GFRA2: variants seen among roughly 807,000 people sequenced by gnomAD.
The protein encoded by GFRA2 is GDNF family receptor alpha 2.
Under a neutral mutation model 48.3 loss-of-function variants are expected in GFRA2, and 17 were observed. That is an observed-to-expected ratio of 0.35 (90% CI 0.24 to 0.53). The LOEUF is 0.53. Ranked by LOEUF, GFRA2 falls within the 20% of genes least tolerant of loss-of-function variation. The pLI is 0.93. For synonymous variants in GFRA2, 305 were observed against 257.2 expected (o/e 1.19, Z -1.78); for missense variants, 660 against 637.3 (o/e 1.04, Z -0.38).
rs979658953 is a variant in GFRA2 at position 21,804,076 on chromosome 8, A to G, written c.-36+941T>C. 1.2e-4 allele frequency among the ~76,000 whole-genome samples: 18 copies of G among 152,218 alleles called. 1 individual carries two copies. The highest frequency in any genetic ancestry group is 1.0e-4 in the Non-Finnish European group (7 of 68,042). ...AGGTTCTTCATATTCTTCAACTCAT[A>G]ACATATCAGAGCAGGAAATTGAATG... On this transcript the variant is annotated intron_variant, in intron 2 of 10. Coordinates refer to the GFRA2 transcript ENST00000517328.
chr8:21,788,137 C>T lies in GFRA2; in HGVS notation c.23G>A (p.Cys8Tyr). The part of the protein sequence containing the change: MILANVF[C>Y]LFFFLDETLR... ...GTACTCACCTAGAAAGAAGAAGAGGCAGAAGACGTTTGCCAAGATCATGTT... is the reference window on the plus strand; with the variant it reads ...GTACTCACCTAGAAAGAAGAAGAGGTAGAAGACGTTTGCCAAGATCATGTT... The change falls in exon 1 of 9, where the codon TGC (cysteine) becomes TAC (tyrosine). Residue 8 changes from cysteine (C) to tyrosine (Y), a missense_variant. Cys to Tyr is a radical substitution (Grantham distance 194, BLOSUM62 -2). Transcript: ENST00000524240. 1 of 1,586,554 alleles carries T rather than the reference C, an allele frequency of 6.3e-7. No homozygotes were observed. The highest frequency in any genetic ancestry group is 2.4e-5 in the East Asian group (1 of 41,930).
Position 21,750,983 on chromosome 8 carries a change from C to T in GFRA2, c.440-41G>A, listed in dbSNP as rs1805265471. The T allele has an allele frequency of 2.2e-6, 3 of 1,361,370 alleles. No homozygotes were observed. The East Asian group carries it at 7.1e-5, about 32-fold the overall frequency. The allele number at this position is 1,361,370 out of a possible 1,614,324, so 84.3% of individuals were successfully genotyped here. ...GAGAGCAGGTCAGAGGCCACACAAG[C>T]ATGAGGAGGACACAGCTGCCCCCTC... On this transcript the variant is annotated intron_variant, in intron 3 of 8. Transcript: ENST00000524240. The surrounding 1 kb of genome is among the most constrained non-coding windows in gnomAD (Gnocchi z 5.7).
chr8:21,787,270 GGC>G (rs1487589128), intron 1 of GFRA2, among the ~76,000 whole-genome samples: 8,895 of 146,438 alleles, frequency 0.061, 508 homozygotes, highest in East Asian at 0.075. Context: ...CGGCGGGGGG[GGC>G]AGTGGGGGGG....
intron 2 of GFRA2, among the ~76,000 whole-genome samples, chr8:21,804,766 G>A (rs1483233442): frequency 6.6e-6 from 1 of 152,160 alleles, no homozygotes; most frequent in East Asian, 1.9e-4. Context: ...CAGAGTGTCT[G>A]GCCTGCTGGC....
chr8:21,693,125 A>G lies in GFRA2; in HGVS notation c.*153T>C. The G allele has an allele frequency of 9.2e-6, 6 of 650,826 alleles. No individual in the cohort carries two copies. Among genetic ancestry groups the G allele is most frequent in the Non-Finnish European group, 1.4e-5 (6 of 438,382 alleles). The allele number at this position is 650,826 out of a possible 1,614,324, so 40.3% of individuals were successfully genotyped here. A position where few individuals can be genotyped will look rare whatever the true frequency, so the allele number is the denominator to read the frequency against. On this transcript the variant is annotated 3_prime_UTR_variant, in exon 9 of 9. Coordinates refer to ENST00000524240, the MANE Select transcript of GFRA2 (RefSeq NM_001495.5). ...TTGGTTTACAAAAACTTCTCCAGAG[A>G]AGAAACCTGGGAGGAGACAGGTTCA...
chr8:21,715,891 G>C (rs774462203), intron 4 of GFRA2, among the ~76,000 whole-genome samples: 40 of 152,192 alleles, frequency 2.6e-4, no homozygotes, highest in Non-Finnish European at 5.3e-4. Context: ...GAGAGAGAGA[G>C]AACGAGAGAG....
At chr8:21,700,627 G>A (rs914094718) in intron 7 of GFRA2, among the ~76,000 whole-genome samples, 1 of 152,194 alleles carries the variant, frequency 6.6e-6, no homozygotes, top group African/African-American at 2.4e-5. Flanking sequence ...GCCTCTGGTG[G>A]CTTGGGTTTA....
rs1045501704 is a variant in GFRA2, at chr8:21,750,603, G to A, written c.779C>T (p.Thr260Ile). 11 of 1,605,530 alleles carry A rather than the reference G, an allele frequency of 6.9e-6. No individual in the cohort carries two copies. Among genetic ancestry groups the A allele is most frequent in the Non-Finnish European group, 7.7e-6 (9 of 1,175,356 alleles). The change falls in exon 4 of 9, where the codon ACT (threonine) becomes ATT (isoleucine). Residue 260 changes from threonine (T) to isoleucine (I), a missense_variant. Transcript: ENST00000524240. This position sits in a 1 kb window ranked among gnomAD's most constrained non-coding sequence, Gnocchi z 5.7. ...NCLDLRGVCR[T>I]DHLCRSRLAD... Reference sequence around the variant, plus strand: ...CGGCACTCACCGACACAGGTGGTCAGTCCGGCACACGCCACGCAGGTCCAG... The same window carrying A: ...CGGCACTCACCGACACAGGTGGTCAATCCGGCACACGCCACGCAGGTCCAG...
At chr8:21,712,878 A>T (rs1803127780) in intron 4 of GFRA2, among the ~76,000 whole-genome samples, 1 of 152,140 alleles carries the variant, frequency 6.6e-6, no homozygotes, top group Non-Finnish European at 1.5e-5. Context: ...GTGGCGGTGC[A>T]CGCCTGCAAT....
intron 4 of GFRA2, among the ~76,000 whole-genome samples, chr8:21,744,243 T>G (rs185799689): frequency 4.9e-4 from 75 of 152,172 alleles, no homozygotes; most frequent in Admixed American, 3.3e-3. Flanking sequence ...AGGACAGCCT[T>G]GAGGGAGGTG....
chr8:21,693,254 ATAT>A lies in GFRA2; in HGVS notation c.*21_*23del. The stretch of plus-strand genomic sequence containing the variant: ...GTTCTTGTCTGCGTAGCTTTCAAAA[ATAT>A]TCTGACTCGGTTCCCACAGCCTACA... On this transcript the variant is annotated 3_prime_UTR_variant, in exon 9 of 9. Coordinates refer to ENST00000524240, the MANE Select transcript of GFRA2 (RefSeq NM_001495.5). The A allele has an allele frequency of 6.3e-7, 1 of 1,596,786 alleles. No homozygotes were observed. Among genetic ancestry groups the A allele is most frequent in the Non-Finnish European group, 8.6e-7 (1 of 1,169,054 alleles).
intron 4 of GFRA2, among the ~76,000 whole-genome samples, chr8:21,748,407 G>C (rs1336513897): frequency 6.8e-6 from 1 of 147,656 alleles, no homozygotes; most frequent in Non-Finnish European, 1.5e-5. Context: ...ATGCAGGACA[G>C]GGTGTGGAGT....
At chr8:21,764,205 G>C (rs955933321) in intron 3 of GFRA2, among the ~76,000 whole-genome samples, 1 of 152,164 alleles carries the variant, frequency 6.6e-6, no homozygotes, top group Admixed American at 6.5e-5. Context: ...AGGCTGCAAA[G>C]TCCAACATCG....
At chr8:21,703,927 G>A (rs190470608) in intron 6 of GFRA2, among the ~76,000 whole-genome samples, 3 of 152,336 alleles carry the variant, frequency 2.0e-5, no homozygotes, top group East Asian at 1.9e-4. Flanking sequence ...TCACTTTCTG[G>A]AATGCTGATC....
chr8:21,729,345 T>C (rs944764288), intron 4 of GFRA2, among the ~76,000 whole-genome samples: 4 of 152,060 alleles, frequency 2.6e-5, no homozygotes, highest in African/African-American at 9.7e-5. Context: ...AAATTTTCTT[T>C]AAAAGTGGAT....
chr8:21,702,430 G>A (rs1802526671), intron 7 of GFRA2, among the ~76,000 whole-genome samples: 1 of 152,186 alleles, frequency 6.6e-6, no homozygotes, highest in South Asian at 2.1e-4. Context: ...GGTCAAGCCT[G>A]CATCCTGGCA....
chr8:21,708,677 C>T (rs1802868406), intron 4 of GFRA2, among the ~76,000 whole-genome samples: 2 of 152,170 alleles, frequency 1.3e-5, no homozygotes, highest in South Asian at 4.1e-4. Flanking sequence ...GATAGGCACA[C>T]AGGAAGAACG....
chr8:21,794,312 G>GT (rs1807631503), intron 2 of GFRA2, among the ~76,000 whole-genome samples: 1 of 142,394 alleles, frequency 7.0e-6, no homozygotes, highest in Admixed American at 7.4e-5. Flanking sequence ...GTGCAGTGGC[G>GT]TGATCTTGGC....
At chr8:21,718,463 A>G (rs1803439910) in intron 4 of GFRA2, among the ~76,000 whole-genome samples, 1 of 152,222 alleles carries the variant, frequency 6.6e-6, no homozygotes, top group Admixed American at 6.5e-5. Context: ...CAAGGATTAA[A>G]TGAAATACCT....
Sources: allele counts gnomAD v4.1 joint callset (sites outside exome capture counted in the v4.1 genomes callset), GRCh38; gene constraint gnomAD v4.1.1; non-coding constraint Gnocchi (gnomAD v3.1); transcripts MANE v1.5; gene names NCBI Gene and HGNC (gene_info 2026-07-23, HGNC 2026-07-21).